Variants in UBR4 observed in about 807,000 individuals in gnomAD.
UBR4 encodes the protein E3 ubiquitin-protein ligase UBR4.
A neutral mutation model predicts 575.6 loss-of-function variants in UBR4; 124 were observed. That is an observed-to-expected ratio of 0.22 (90% CI 0.19 to 0.25). The LOEUF is 0.25. Ranked by LOEUF, UBR4 falls within the 10% of genes least tolerant of loss-of-function variation. The probability of loss-of-function intolerance (pLI) is 1.00; values close to 1 mark genes in which losing one functional copy is unlikely to be tolerated. For missense variants in UBR4, 4,818 were observed against 6,478.8 expected (o/e 0.74, Z 8.80); for synonymous variants, 2,455 against 2,473.7 (o/e 0.99, Z 0.22).
chr1:19,141,339 C>T lies in UBR4; in HGVS notation c.8488+8G>A, dbSNP rs780486077. On this transcript the variant is annotated splice_region_variant and intron_variant, in intron 57 of 105. Transcript: ENST00000375254. ...ATGGGCCGCTTTGTTCTTGGCATGG[C>T]CTTCTACCTTGTTGGTCCTGCTGCA... 2 of 1,614,216 alleles carry T rather than the reference C, an allele frequency of 1.2e-6. No homozygotes were observed. Among genetic ancestry groups the T allele is most frequent in the South Asian group, 2.2e-5 (2 of 91,082 alleles).
chr1:19,207,256 T>C (rs2151847166), intron 1 of UBR4, among the ~76,000 whole-genome samples: 1 of 152,368 alleles, frequency 6.6e-6, no homozygotes, highest in African/African-American at 2.4e-5. Context: ...CAGTGTTGGC[T>C]TTCATCTGGT....
chr1:19,094,804 C>A, intron 94 of UBR4, 102 bp downstream of exon 94: 1 of 1,487,726 alleles, frequency 6.7e-7, no homozygotes, highest in South Asian at 1.3e-5. Flanking sequence ...CAGGCTCCGC[C>A]ATTCTCAGGT....
At chr1:19,113,429 T>C in intron 77 of UBR4, 1 of 486,452 alleles carries the variant, frequency 2.1e-6, no homozygotes, top group South Asian at 3.2e-5. Flanking sequence ...AGATGGGTTG[T>C]TAATGGCTAA....
At position 19,152,344 on chromosome 1, in the gene UBR4, T is replaced by C. The variant is rs2085853465; in HGVS notation, c.6965A>G (p.Asn2322Ser). The change falls in exon 47 of 106, where the codon AAT becomes AGT. Residue 2322 changes from asparagine to serine, a missense_variant. By Grantham distance (46) the Asn-to-Ser change is conservative (BLOSUM62 1). Transcript: ENST00000375254. The surrounding 1 kb of genome is among the most constrained non-coding windows in gnomAD (Gnocchi z 4.4). ...YNAQQIKHRL[N>S]STGMYVANTK... ...GTTGGCCACATACATGCCAGTGGAA[T>C]TCAGCCGGTGTTTTATCTGTTGTGC... is the stretch of plus-strand genomic sequence containing the variant. 6.2e-7 allele frequency: 1 copy of C among 1,613,866 alleles called. No homozygotes were observed. Among genetic ancestry groups the C allele is most frequent in the South Asian group, 1.1e-5 (1 of 91,078 alleles).
chr1:19,174,371 C>G lies in UBR4; in HGVS notation c.2930G>C (p.Gly977Ala), dbSNP rs374444745. 2.5e-6 allele frequency: 4 copies of G among 1,613,352 alleles called. No homozygotes were observed. The highest frequency in any genetic ancestry group is 3.4e-6 in the Non-Finnish European group (4 of 1,179,966). The stretch of plus-strand genomic sequence containing the variant: ...TCTCCTAACTGTATCAAGCTGGGAC[C>G]CAGCTGCAAGCAGGGCTGTCAGTGC... Reference protein sequence around the residue: ...YAALTALLAAGSQLDTVRRKE... With the variant: ...YAALTALLAAASQLDTVRRKE... The change falls in exon 22 of 106, where the codon GGG becomes GCG. Residue 977 changes from glycine (G) to alanine (A), a missense_variant. Gly to Ala is a moderately conservative substitution (Grantham distance 60). Coordinates refer to ENST00000375254, the MANE Select transcript of UBR4 (RefSeq NM_020765.3).
intron 1 of UBR4, among the ~76,000 whole-genome samples, chr1:19,204,835 AAC>A (rs2092929151): frequency 1.3e-5 from 2 of 152,204 alleles, no homozygotes; most frequent in Admixed American, 1.3e-4. Flanking sequence ...ATTTTAAAGA[AAC>A]AGTGTGCATG....
At chr1:19,129,892 C>T (rs183191099) in intron 60 of UBR4, among the ~76,000 whole-genome samples, 350 of 152,100 alleles carry the variant, frequency 2.3e-3, no homozygotes, top group African/African-American at 7.4e-3. Context: ...AGCAAATGGT[C>T]CTTGTCTCAT....
In UBR4 at chr1:19,105,102, T is replaced by C; in HGVS notation, c.12591A>G (p.Lys4197=). The C allele has an allele frequency of 6.2e-7, 1 of 1,614,110 alleles. No individual in the cohort carries two copies. Among genetic ancestry groups the C allele is most frequent in the Non-Finnish European group, 8.5e-7 (1 of 1,180,008 alleles). The change falls in exon 85 of 106, where the codon AAA becomes AAG. Residue 4197 remains lysine, a synonymous_variant. Coordinates refer to ENST00000375254, the MANE Select transcript of UBR4 (RefSeq NM_020765.3). ...YQKLITSAHW[K]VYLAARGVLP... is the part of the protein sequence containing the mutation. ...GGACTCCCCGAGCTGCCAAGTAGAC[T>C]TTCCAGTGCGCAGAAGTGATGAGCT...
intron 74 of UBR4, among the ~76,000 whole-genome samples, chr1:19,115,166 C>T (rs1380499092): frequency 6.6e-6 from 1 of 151,480 alleles, no homozygotes; most frequent in Non-Finnish European, 1.5e-5. Flanking sequence ...ACCCTCCACC[C>T]CTGCCACAGG....
intron 77 of UBR4, 189 bp downstream of exon 77, chr1:19,113,510 G>C (rs2080143610): frequency 1.2e-6 from 1 of 803,006 alleles, no homozygotes; most frequent in Non-Finnish European, 2.0e-6. Flanking sequence ...TCAGCATTCT[G>C]ACCAGCGCCA....
At chr1:19,173,367 T>C in intron 23 of UBR4, 61 bp from the exon 24 acceptor site, 1 of 1,611,190 alleles carries the variant, frequency 6.2e-7, no homozygotes, top group Non-Finnish European at 8.5e-7. Flanking sequence ...TTCATTATCT[T>C]CAAATTTAAA....
chr1:19,127,725 C>T lies in UBR4; in HGVS notation c.9126G>A (p.Lys3042=), dbSNP rs35766691. ...LGMDKKDVSK[K]NERSALNEVH... is the part of the protein sequence containing the mutation. ...CTTCATTCAGGGCGCTGCGCTCATT[C>T]TTCTTGGAGACATCCTGCAGGCCAA... Residue 3042 remains lysine (K), a synonymous_variant, in exon 63 of 106, where the codon AAG becomes AAA. Transcript: ENST00000375254. The T allele has an allele frequency of 1.1e-4, 176 of 1,614,102 alleles. 1 individual carries two copies. The African/African-American group carries it at 2.1e-3, about 20-fold the overall frequency.
Position 19,150,786 on chromosome 1 carries a change from G to T in UBR4, c.7221C>A (p.Ala2407=). The T allele has an allele frequency of 2.5e-6, 4 of 1,613,786 alleles. No individual in the cohort carries two copies. Among genetic ancestry groups the T allele is most frequent in the Non-Finnish European group, 3.4e-6 (4 of 1,179,998 alleles). ...ADKKLNLFIG[A]SVDPAGVTMI... ...TGGTGACACCTGCTGGATCCACCGAGGCCCCAACTGCAATAAGCAAGAGAG... is the reference window on the plus strand; with the variant it reads ...TGGTGACACCTGCTGGATCCACCGATGCCCCAACTGCAATAAGCAAGAGAG... Residue 2407 remains alanine, a synonymous_variant, in exon 49 of 106, where the codon GCC becomes GCA. Transcript: ENST00000375254.
Position 19,148,015 on chromosome 1 carries a change from C to A in UBR4, c.7607G>T (p.Arg2536Leu), listed in dbSNP as rs891710538. The A allele has an allele frequency of 6.2e-7, 1 of 1,612,658 alleles. No homozygotes were observed. Among genetic ancestry groups the A allele is most frequent in the South Asian group, 1.1e-5 (1 of 91,050 alleles). Residue 2536 changes from arginine to leucine, a missense_variant, in exon 51 of 106, where the codon CGC becomes CTC. Transcript: ENST00000375254. ...KSLLASLHTS[R>L]SAYHSHKDQA... is the part of the protein sequence containing the mutation. Reference sequence around the variant, plus strand: ...TACCTTGTGGCTGTGGTAGGCCGAGCGGCTGGTGTGCAGGCTGGCCAGAAG... The same window carrying A: ...TACCTTGTGGCTGTGGTAGGCCGAGAGGCTGGTGTGCAGGCTGGCCAGAAG...
At chr1:19,182,554 C>CACAGTATGTCA (rs2091091723) in intron 17 of UBR4, among the ~76,000 whole-genome samples, 1 of 152,106 alleles carries the variant, frequency 6.6e-6, no homozygotes, top group Non-Finnish European at 1.5e-5. Context: ...ATACTGTTTT[C>CACAGTATGTCA]CACAGCTACT....
intron 8 of UBR4, among the ~76,000 whole-genome samples, chr1:19,194,341 A>C (rs879907637): frequency 1.5e-4 from 23 of 152,170 alleles, no homozygotes; most frequent in Non-Finnish European, 3.2e-4. Flanking sequence ...ATAAAATCTA[A>C]GCCAGGTGTG....
chr1:19,097,341 C>T, intron 90 of UBR4, 61 bp from the exon 91 acceptor site: 1 of 1,485,064 alleles, frequency 6.7e-7, no homozygotes, highest in Non-Finnish European at 9.2e-7. Flanking sequence ...GCAAAGGACT[C>T]CATACTTGGT....
At chr1:19,081,778 C>A (rs200449085) in intron 102 of UBR4, 19 of 711,762 alleles carry the variant, frequency 2.7e-5, no homozygotes, top group African/African-American at 5.5e-5. Context: ...CCCTTCTTCG[C>A]GGCATCTTCC....
Position 19,210,077 on chromosome 1 carries a change from C to A in UBR4, c.172G>T (p.Glu58Ter). The A allele has an allele frequency of 6.4e-7, 1 of 1,563,340 alleles. No individual in the cohort carries two copies. Among genetic ancestry groups the A allele is most frequent in the Non-Finnish European group, 8.6e-7 (1 of 1,156,962 alleles). The change falls in exon 1 of 106, where the codon GAG (glutamate) becomes TAG (stop). Residue 58 changes from glutamate to a stop codon, truncating the protein, a stop_gained. Coordinates refer to ENST00000375254, the MANE Select transcript of UBR4 (RefSeq NM_020765.3). LOFTEE classifies it high-confidence loss of function. ...ELPQLVASVI[E>*]SESEILHHEK... The stretch of plus-strand genomic sequence containing the variant: ...GCCAGAGCCGCCGCCCGGTACCTCT[C>A]GATGACTGAGGCCACCAGCTGCGGC...
Sources: allele counts gnomAD v4.1 joint callset (sites outside exome capture counted in the v4.1 genomes callset), GRCh38; gene constraint gnomAD v4.1.1; non-coding constraint Gnocchi (gnomAD v3.1); transcripts MANE v1.5; gene names NCBI Gene and HGNC (gene_info 2026-07-23, HGNC 2026-07-21).